The following TBC1D4 variants were observed in gnomAD, a reference collection of about 807,000 sequenced individuals.
TBC1D4 encodes the protein TBC1 domain family member 4.
A neutral mutation model predicts 142.5 loss-of-function variants in TBC1D4; 121 were observed. The observed-to-expected ratio is 0.85, with a 90% CI of 0.73 to 0.99. TBC1D4 has a LOEUF of 0.99. Ranked by LOEUF, TBC1D4 falls within the 50% of genes least tolerant of loss-of-function variation. The pLI, the probability that TBC1D4 is intolerant of heterozygous loss-of-function variation, is 0.00. For missense variants in TBC1D4, 1,475 were observed against 1,606.6 expected, an observed-to-expected ratio of 0.92 and a Z score of 1.40; for synonymous variants, 630 against 628.2, an observed-to-expected ratio of 1.00 and a Z score of -0.04.
chr13:75,480,370 C>T (rs1231048398), intron 1 of TBC1D4, among the ~76,000 whole-genome samples: 2 of 152,004 alleles, frequency 1.3e-5, no homozygotes, highest in Non-Finnish European at 2.9e-5. Flanking sequence ...TTTGATATGG[C>T]GGGGAGAAAA....
At chr13:75,434,845 A>G (rs556497688) in intron 1 of TBC1D4, among the ~76,000 whole-genome samples, 62 of 151,692 alleles carry the variant, frequency 4.1e-4, no homozygotes, top group African/African-American at 1.5e-3. Context: ...TAAAAGTTCA[A>G]TTAAAACATA....
intron 1 of TBC1D4, among the ~76,000 whole-genome samples, chr13:75,393,937 A>AAAC (rs1884632830): frequency 6.6e-6 from 1 of 151,784 alleles, no homozygotes; most frequent in African/African-American, 2.4e-5. Flanking sequence ...CAAAAAAAAA[A>AAAC]AAACAAAAAA....
intron 1 of TBC1D4, among the ~76,000 whole-genome samples, chr13:75,464,192 C>A (rs912213540): frequency 6.6e-6 from 1 of 152,106 alleles, no homozygotes; most frequent in African/African-American, 2.4e-5. Flanking sequence ...TGGGAACAGG[C>A]TCCCAAATGT....
intron 1 of TBC1D4, among the ~76,000 whole-genome samples, chr13:75,410,220 A>G (rs542691635): frequency 2.0e-5 from 3 of 152,276 alleles, no homozygotes; most frequent in East Asian, 3.9e-4. Context: ...GCTTTCCTAT[A>G]TTACAGCCAT....
intron 9 of TBC1D4, among the ~76,000 whole-genome samples, chr13:75,326,642 C>A (rs191712672): frequency 9.3e-4 from 141 of 152,308 alleles, no homozygotes; most frequent in Middle Eastern, 6.8e-3. Flanking sequence ...TCACCACAAC[C>A]CACTTATCTT....
At chr13:75,368,243 G>A (rs1004408244) in intron 1 of TBC1D4, among the ~76,000 whole-genome samples, 1 of 152,158 alleles carries the variant, frequency 6.6e-6, no homozygotes, top group Non-Finnish European at 1.5e-5. Flanking sequence ...GGTCCCCACT[G>A]TCTTATTTTA....
intron 1 of TBC1D4, among the ~76,000 whole-genome samples, chr13:75,460,847 T>C (rs975822089): frequency 6.6e-6 from 1 of 152,000 alleles, no homozygotes; most frequent in Non-Finnish European, 1.5e-5. Flanking sequence ...CACTTGAGCC[T>C]GGGAGGTCAA....
rs767269303 is a variant in TBC1D4 at position 75,299,470 on chromosome 13, C to G, written c.3016G>C (p.Gly1006Arg). The G allele has an allele frequency of 1.2e-6, 2 of 1,614,066 alleles. No individual in the cohort carries two copies. Among genetic ancestry groups the G allele is most frequent in the African/African-American group, 1.3e-5 (1 of 74,920 alleles). The change falls in exon 17 of 21, where the codon GGA (glycine) becomes CGA (arginine). Residue 1006 changes from glycine to arginine, a missense_variant. Transcript: ENST00000377636. ...KAYSLLDKEV[G>R]YCQGISFVAG... is the part of the protein sequence containing the mutation. Reference sequence around the variant, plus strand: ...ACAAAGCTGATCCCCTGACAGTATCCCACTTCTTTGTCCAGCAAAGAATAG... The same window carrying G: ...ACAAAGCTGATCCCCTGACAGTATCGCACTTCTTTGTCCAGCAAAGAATAG...
chr13:75,361,942 G>T, intron 2 of TBC1D4, 84 bp downstream of exon 2: 1 of 1,453,368 alleles, frequency 6.9e-7, no homozygotes, highest in Non-Finnish European at 9.7e-7. Flanking sequence ...TTATATAGAG[G>T]TGGAGCTGGG....
chr13:75,476,683 T>G (rs1310255570), intron 1 of TBC1D4, among the ~76,000 whole-genome samples: 1 of 152,198 alleles, frequency 6.6e-6, no homozygotes, highest in East Asian at 1.9e-4. Context: ...ACTTGAACTT[T>G]CAAGTCTGAG....
intron 1 of TBC1D4, among the ~76,000 whole-genome samples, chr13:75,396,088 C>T (rs1884783663): frequency 6.6e-6 from 1 of 152,164 alleles, no homozygotes; most frequent in Non-Finnish European, 1.5e-5. Context: ...GCTTATTTCA[C>T]CTGCTTATAA....
At chr13:75,391,192 G>A (rs1281639824) in intron 1 of TBC1D4, among the ~76,000 whole-genome samples, 1 of 52,320 alleles carries the variant, frequency 1.9e-5, no homozygotes, top group African/African-American at 8.7e-5. Flanking sequence ...CTCCCCATCA[G>A]TTTACACACA....
intron 7 of TBC1D4, among the ~76,000 whole-genome samples, chr13:75,339,852 G>A (rs1213250592): frequency 6.6e-6 from 1 of 152,068 alleles, no homozygotes; most frequent in Non-Finnish European, 1.5e-5. Flanking sequence ...GATCACAGGC[G>A]TGAGCCACCA....
At chr13:75,293,494 C>T (rs1875555097) in intron 18 of TBC1D4, among the ~76,000 whole-genome samples, 1 of 152,062 alleles carries the variant, frequency 6.6e-6, no homozygotes, top group Admixed American at 6.6e-5. Context: ...AAGAGAGGTG[C>T]CCTGAAACAT....
Position 75,481,618 on chromosome 13 carries a change from G to T in TBC1D4, c.150C>A (p.Thr50=). ...TGAGCCAGGGCAGCATAGGCAGCGT[G>T]GTCCTGTGGTCCAGGCACGACCCCC... ...YVGGSCLDHR[T]TLPMLPWLMA... is the part of the protein sequence containing the mutation. The change falls in exon 1 of 21, where the codon ACC becomes ACA. Residue 50 remains threonine (T), a synonymous_variant. Coordinates refer to ENST00000377636, the MANE Select transcript of TBC1D4 (RefSeq NM_014832.5). The T allele has an allele frequency of 5.6e-6, 9 of 1,608,432 alleles. No individual in the cohort carries two copies. The highest frequency in any genetic ancestry group is 6.8e-6 in the Non-Finnish European group (8 of 1,177,738).
intron 1 of TBC1D4, among the ~76,000 whole-genome samples, chr13:75,479,662 C>G (rs998442462): frequency 3.3e-5 from 5 of 151,724 alleles, no homozygotes; most frequent in African/African-American, 1.2e-4. Context: ...TGGAAAAATG[C>G]AACTGGCTCC....
At chr13:75,341,616 A>G in intron 5 of TBC1D4, 29 bp from the exon 6 acceptor site, 1 of 1,557,634 alleles carries the variant, frequency 6.4e-7, no homozygotes, top group South Asian at 1.1e-5. Flanking sequence ...GAAGGTATTA[A>G]ACAGAGTCTA....
At chr13:75,332,460 A>C (rs1345999964) in intron 8 of TBC1D4, among the ~76,000 whole-genome samples, 1 of 152,216 alleles carries the variant, frequency 6.6e-6, no homozygotes, top group Non-Finnish European at 1.5e-5. Flanking sequence ...TAAAATTTTC[A>C]CTAAACACTG....
At chr13:75,313,070 T>G (rs1353624869) in intron 12 of TBC1D4, among the ~76,000 whole-genome samples, 172 bp from the exon 13 acceptor site, 2 of 152,122 alleles carry the variant, frequency 1.3e-5, no homozygotes, top group Non-Finnish European at 2.9e-5. Context: ...CACCACATCC[T>G]GGGGAAACAG....
Sources: gnomAD v4.1 joint callset for allele counts (sites outside exome capture counted in the v4.1 genomes callset) on GRCh38, gnomAD v4.1.1 for gene constraint, MANE v1.5 for transcripts, NCBI Gene and HGNC (gene_info 2026-07-23, HGNC 2026-07-21) for gene names.